Variants in MGAT4C observed in about 807,000 individuals in gnomAD.
The protein encoded by MGAT4C is alpha-1,3-mannosyl-glycoprotein 4-beta-N-acetylglucosaminyltransferase C.
A neutral mutation model predicts 40.1 loss-of-function variants in MGAT4C; 19 were observed. The observed-to-expected ratio is 0.47, with a 90% CI of 0.33 to 0.70. The LOEUF (loss-of-function observed/expected upper bound fraction) is 0.70, where lower values mean the gene tolerates loss of function less well. MGAT4C is among the 30% of genes least tolerant of loss of function. The probability of loss-of-function intolerance (pLI) is 0.02; values close to 1 mark genes in which losing one functional copy is unlikely to be tolerated. For missense variants in MGAT4C, 491 were observed against 563.2 expected (o/e 0.87, Z 1.30); for synonymous variants, 181 against 187.1 (o/e 0.97, Z 0.27).
At chr12:86,231,208 G>T (rs1372673404) in intron 1 of MGAT4C, among the ~76,000 whole-genome samples, 2 of 152,116 alleles carry the variant, frequency 1.3e-5, no homozygotes, top group African/African-American at 4.8e-5. Context: ...TTAAGAAGTG[G>T]CAGAGATGAT....
chr12:86,169,654 T>G lies in MGAT4C; in HGVS notation c.-57+86585A>C, dbSNP rs115622844. ...ACAACCTAACAGAGAGCCAAGCATA[T>G]AGCAGATGCTTCACAGGTGACTGAA... On this transcript the variant is annotated intron_variant, in intron 1 of 4. Transcript: ENST00000611864. Among the ~76,000 whole-genome samples the G allele has an allele frequency of 3.1e-3, 479 of 152,258 alleles. 3 individuals are homozygous for G. Among genetic ancestry groups the G allele is most frequent in the African/African-American group, 0.011 (466 of 41,544 alleles).
intron 3 of MGAT4C, among the ~76,000 whole-genome samples, chr12:86,376,996 T>C (rs558967693): frequency 6.6e-6 from 1 of 152,240 alleles, no homozygotes; most frequent in East Asian, 1.9e-4. Context: ...TTTTTCTACA[T>C]TTCATTATAT....
chr12:86,056,082 T>G (rs1893358429), intron 1 of MGAT4C, among the ~76,000 whole-genome samples: 1 of 152,144 alleles, frequency 6.6e-6, no homozygotes, highest in African/African-American at 2.4e-5. Flanking sequence ...CCAGGCATTC[T>G]TCTGGATAAT....
At chr12:86,677,062 G>A (rs761278725) in intron 2 of MGAT4C, among the ~76,000 whole-genome samples, 2 of 152,026 alleles carry the variant, frequency 1.3e-5, no homozygotes, top group African/African-American at 4.8e-5. Context: ...AAGCCAGATT[G>A]CAGAGTGTTG....
At chr12:86,064,539 A>G (rs1323193534) in intron 1 of MGAT4C, among the ~76,000 whole-genome samples, 1 of 152,240 alleles carries the variant, frequency 6.6e-6, no homozygotes, top group Non-Finnish European at 1.5e-5. Flanking sequence ...ACAACGTACC[A>G]GAATCTCTGA....
At chr12:86,611,776 G>A (rs1399174250) in intron 2 of MGAT4C, among the ~76,000 whole-genome samples, 1 of 152,046 alleles carries the variant, frequency 6.6e-6, no homozygotes, top group Non-Finnish European at 1.5e-5. Flanking sequence ...TATTTTCAAT[G>A]TGAAATTTAT....
At chr12:86,622,954 C>T (rs1408439122) in intron 2 of MGAT4C, among the ~76,000 whole-genome samples, 1 of 151,890 alleles carries the variant, frequency 6.6e-6, no homozygotes, top group Non-Finnish European at 1.5e-5. Context: ...CTATAAAAAA[C>T]AAAACTCCCA....
At chr12:86,781,604 C>G (rs1951841595) in intron 1 of MGAT4C, among the ~76,000 whole-genome samples, 1 of 151,834 alleles carries the variant, frequency 6.6e-6, no homozygotes, top group Admixed American at 6.6e-5. Flanking sequence ...TTATTTTGGA[C>G]AAGGCACTTT....
chr12:86,080,726 T>G (rs1448012072), intron 1 of MGAT4C, among the ~76,000 whole-genome samples: 4 of 151,962 alleles, frequency 2.6e-5, no homozygotes, highest in Non-Finnish European at 5.9e-5. Context: ...TCAAAATTAA[T>G]AGGCATGAAA....
rs749876305 is a variant in MGAT4C, at chr12:85,963,359, A to G, written c.*15930T>C. ...AGCACATAGTCAGTGTTTCTTAACC[A>G]TTTTGGGGTCCTGAAACTTTTTGAT... is the stretch of plus-strand genomic sequence containing the variant. On this transcript the variant is annotated 3_prime_UTR_variant, in exon 5 of 5. Coordinates refer to ENST00000611864, the MANE Select transcript of MGAT4C (RefSeq NM_001351288.2). The G allele has an allele frequency of 3.9e-5, 6 of 151,972 alleles. No individual in the cohort carries two copies. The highest frequency in any genetic ancestry group is 8.8e-5 in the Non-Finnish European group (6 of 67,896). 9.4% of individuals were successfully genotyped at this position (151,972 alleles called of 1,614,324 possible).
chr12:86,781,074 A>G (rs867899141), intron 1 of MGAT4C, among the ~76,000 whole-genome samples: 5 of 152,012 alleles, frequency 3.3e-5, no homozygotes, highest in Admixed American at 2.0e-4. Flanking sequence ...TCATCTGTTA[A>G]TAGACACTTA....
At chr12:86,255,453 T>C (rs1216859769) in intron 1 of MGAT4C, among the ~76,000 whole-genome samples, 5 of 152,078 alleles carry the variant, frequency 3.3e-5, no homozygotes, top group African/African-American at 1.2e-4. Flanking sequence ...ATATTTGTTT[T>C]GCTACAATAT....
chr12:86,550,449 G>A (rs542919244), intron 2 of MGAT4C, among the ~76,000 whole-genome samples: 1 of 152,252 alleles, frequency 6.6e-6, no homozygotes, highest in Non-Finnish European at 1.5e-5. Flanking sequence ...AGCACAAGGT[G>A]GACAATCTCC....
intron 2 of MGAT4C, among the ~76,000 whole-genome samples, chr12:86,539,914 A>G: frequency 6.6e-6 from 1 of 152,022 alleles, no homozygotes; most frequent in Non-Finnish European, 1.5e-5. Context: ...TTGTAGTTCC[A>G]GTATTAGCCC....
At chr12:86,417,877 A>G (rs898582984) in intron 3 of MGAT4C, among the ~76,000 whole-genome samples, 1 of 152,108 alleles carries the variant, frequency 6.6e-6, no homozygotes. Flanking sequence ...ATCAAAAGCC[A>G]AAAAACAAGC....
At chr12:86,510,719 C>G (rs1325180045) in intron 2 of MGAT4C, among the ~76,000 whole-genome samples, 2 of 152,036 alleles carry the variant, frequency 1.3e-5, no homozygotes, top group Non-Finnish European at 2.9e-5. Flanking sequence ...GACTTTAAAT[C>G]AACAAAGATC....
intron 3 of MGAT4C, among the ~76,000 whole-genome samples, chr12:86,414,216 T>C (rs945138575): frequency 2.0e-5 from 3 of 152,074 alleles, no homozygotes; most frequent in African/African-American, 7.2e-5. Flanking sequence ...TTGACTATTG[T>C]GGGAAATTAA....
chr12:86,802,120 T>C (rs1035293318), intron 1 of MGAT4C, among the ~76,000 whole-genome samples: 1 of 151,962 alleles, frequency 6.6e-6, no homozygotes, highest in African/African-American at 2.4e-5. Context: ...TGTAAACTTA[T>C]AATTAGCTTT....
chr12:86,569,638 C>G (rs1960282610), intron 2 of MGAT4C, among the ~76,000 whole-genome samples: 1 of 151,984 alleles, frequency 6.6e-6, no homozygotes, highest in African/African-American at 2.4e-5. Context: ...TGATATTTCT[C>G]AAAACACTAA....
Sources: allele counts gnomAD v4.1 joint callset (sites outside exome capture counted in the v4.1 genomes callset), GRCh38; gene constraint gnomAD v4.1.1; transcripts MANE v1.5; gene names NCBI Gene and HGNC (gene_info 2026-07-23, HGNC 2026-07-21).